The following AFF1 variants were observed in gnomAD, a reference collection of about 807,000 sequenced individuals.
AFF1 encodes AF4/FMR2 family member 1.
A neutral mutation model predicts 121.7 loss-of-function variants in AFF1; 48 were observed. The ratio of observed to expected loss-of-function variants is 0.39; its 90% confidence interval spans 0.31 to 0.50. The LOEUF (loss-of-function observed/expected upper bound fraction) is 0.50, where lower values mean the gene tolerates loss of function less well. AFF1 is among the 20% of genes least tolerant of loss of function. The pLI is 0.76. For missense variants in AFF1, 1,523 were observed against 1,511.7 expected (o/e 1.01, Z -0.12); for synonymous variants, 613 against 563.0 (o/e 1.09, Z -1.26).
At chr4:87,106,939 A>G (rs550579290) in intron 10 of AFF1, among the ~76,000 whole-genome samples, 94 of 152,354 alleles carry the variant, frequency 6.2e-4, no homozygotes, top group African/African-American at 2.1e-3. Flanking sequence ...CTGGTGGGTT[A>G]TGATGACTCA....
chr4:86,966,065 C>CTTT (rs568285746), intron 2 of AFF1, among the ~76,000 whole-genome samples: 31 of 138,960 alleles, frequency 2.2e-4, no homozygotes, highest in African/African-American at 7.7e-4. Context: ...TTTTTCTTTC[C>CTTT]TTTTTTTTTT....
chr4:87,016,551 C>CA (rs59972369), intron 2 of AFF1, among the ~76,000 whole-genome samples: 2,711 of 88,538 alleles, frequency 0.031, 70 homozygotes, highest in African/African-American at 0.085. Context: ...GACTCTGTCT[C>CA]AAAAAAAAAA....
chr4:86,998,859 C>G (rs1381076160), intron 2 of AFF1, among the ~76,000 whole-genome samples: 1 of 152,150 alleles, frequency 6.6e-6, no homozygotes, highest in Non-Finnish European at 1.5e-5. Context: ...TCCCATCCCT[C>G]TACTTTCAGT....
At chr4:87,124,243 CT>C (rs1727997714) in intron 12 of AFF1, among the ~76,000 whole-genome samples, 1 of 151,932 alleles carries the variant, frequency 6.6e-6, no homozygotes, top group Non-Finnish European at 1.5e-5. Context: ...TTTTTTAACC[CT>C]ACTTTCAAGC....
intron 6 of AFF1, among the ~76,000 whole-genome samples, chr4:87,091,177 G>T (rs1560615585): frequency 1.3e-5 from 2 of 152,076 alleles, no homozygotes; most frequent in Non-Finnish European, 1.5e-5. Context: ...GGCTGAGGCG[G>T]GTGGATCACG....
intron 11 of AFF1, among the ~76,000 whole-genome samples, chr4:87,110,875 G>T (rs1345237723): frequency 6.6e-6 from 1 of 152,074 alleles, no homozygotes; most frequent in African/African-American, 2.4e-5. Flanking sequence ...CAGATTGGGG[G>T]TGGGATGAGG....
At chr4:86,953,264 C>T (rs1040851991) in intron 2 of AFF1, among the ~76,000 whole-genome samples, 3 of 152,106 alleles carry the variant, frequency 2.0e-5, no homozygotes, top group African/African-American at 7.2e-5. Context: ...ATTTTTAATA[C>T]ACACCAGTAG....
rs568144811 is a variant in AFF1, at chr4:87,113,778, A to G, written c.1534-589A>G. Among the ~76,000 whole-genome samples the G allele has an allele frequency of 7.9e-5, 12 of 152,260 alleles. No individual in the cohort carries two copies. In the East Asian group the frequency reaches 2.3e-3, roughly 29 times the overall value. On this transcript the variant is annotated intron_variant, in intron 11 of 20. Transcript: ENST00000395146. Reference sequence around the variant, plus strand: ...TGCTTTGGAAGACTGAGGCAGGAGGATCACTTGAGGCCAGGAGTTTGAGGC... The same window carrying G: ...TGCTTTGGAAGACTGAGGCAGGAGGGTCACTTGAGGCCAGGAGTTTGAGGC...
chr4:87,129,687 T>G (rs1188590701), intron 16 of AFF1, among the ~76,000 whole-genome samples: 2 of 152,210 alleles, frequency 1.3e-5, no homozygotes, highest in Non-Finnish European at 2.9e-5. Flanking sequence ...TAAGTTACCT[T>G]TTAAAATAAA....
chr4:87,108,370 A>G, intron 11 of AFF1, 55 bp downstream of exon 11: 1 of 1,581,568 alleles, frequency 6.3e-7, no homozygotes, highest in East Asian at 2.3e-5. Flanking sequence ...CTGTCCTTTG[A>G]AGTTAGAGTC....
chr4:87,049,100 G>C (rs868649656), intron 4 of AFF1, among the ~76,000 whole-genome samples: 51 of 146,266 alleles, frequency 3.5e-4, no homozygotes, highest in African/African-American at 1.2e-3. Flanking sequence ...AAAAAAGGGG[G>C]GGGGGGGACA....
At chr4:87,033,649 G>C (rs375925371) in intron 2 of AFF1, among the ~76,000 whole-genome samples, 1 of 152,096 alleles carries the variant, frequency 6.6e-6, no homozygotes, top group African/African-American at 2.4e-5. Context: ...GAGAGAAGAG[G>C]TGCCTTTTAA....
At chr4:87,074,179 T>G (rs1328732507) in intron 4 of AFF1, among the ~76,000 whole-genome samples, 2 of 151,768 alleles carry the variant, frequency 1.3e-5, no homozygotes, top group African/African-American at 4.8e-5. Context: ...CACTCTGAGG[T>G]TTTCGTGAGC....
chr4:86,946,077 C>T (rs1720836577), intron 1 of AFF1, among the ~76,000 whole-genome samples: 2 of 152,066 alleles, frequency 1.3e-5, no homozygotes, highest in Admixed American at 1.3e-4. Flanking sequence ...TGTAGTGCTC[C>T]TGAGCGGTGA....
At chr4:87,027,451 A>G (rs1320740818) in intron 2 of AFF1, among the ~76,000 whole-genome samples, 1 of 152,186 alleles carries the variant, frequency 6.6e-6, no homozygotes, top group African/African-American at 2.4e-5. Context: ...TTGCTATAAT[A>G]TTTCATAGAT....
chr4:87,032,391 A>G (rs1729165347), intron 2 of AFF1, among the ~76,000 whole-genome samples: 1 of 151,274 alleles, frequency 6.6e-6, no homozygotes, highest in Non-Finnish European at 1.5e-5. Flanking sequence ...TTCTGTAGAA[A>G]CGAGTGTGGC....
chr4:87,079,379 C>A (rs1242496832), intron 4 of AFF1, among the ~76,000 whole-genome samples: 1 of 152,222 alleles, frequency 6.6e-6, no homozygotes. Flanking sequence ...TACACAATGT[C>A]ATTCCAGGAG....
intron 2 of AFF1, among the ~76,000 whole-genome samples, chr4:87,011,181 A>G (rs1215339342): frequency 6.6e-6 from 1 of 151,034 alleles, no homozygotes; most frequent in Non-Finnish European, 1.5e-5. Context: ...GGAGTAGGGG[A>G]GTTGAACTTG....
chr4:87,011,406 CTT>C (rs930449173), intron 2 of AFF1, among the ~76,000 whole-genome samples: 110 of 152,268 alleles, frequency 7.2e-4, no homozygotes, highest in African/African-American at 2.6e-3. Context: ...TGGTGGATCT[CTT>C]TGACTCTAGG....
Sources: allele counts gnomAD v4.1 joint callset (sites outside exome capture counted in the v4.1 genomes callset), GRCh38; gene constraint gnomAD v4.1.1; transcripts MANE v1.5; gene names NCBI Gene and HGNC (gene_info 2026-07-23, HGNC 2026-07-21).